Variants in CDH2 observed in about 807,000 individuals in gnomAD.
The protein encoded by CDH2 is cadherin-2.
In CDH2, 17 loss-of-function variants were observed where a neutral mutation model predicts 92.0. The ratio of observed to expected loss-of-function variants is 0.18; its 90% CI spans 0.13 to 0.28. The LOEUF (loss-of-function observed/expected upper bound fraction) is 0.28, where lower values mean the gene tolerates loss of function less well. Among genes scored for constraint, CDH2 ranks in the 10% least tolerant of loss-of-function variants. CDH2 has a pLI of 1.00. For synonymous variants in CDH2, 419 were observed against 415.9 expected (o/e 1.01, Z -0.09); for missense variants, 862 against 1,133.1 (o/e 0.76, Z 3.44).
intron 2 of CDH2, among the ~76,000 whole-genome samples, chr18:28,045,984 T>C (rs2014067025): frequency 6.6e-6 from 1 of 152,250 alleles, no homozygotes; most frequent in Non-Finnish European, 1.5e-5. Context: ...TAACTGTTCA[T>C]CTTTATGATT....
chr18:28,170,489 G>A lies in CDH2; in HGVS notation c.60+6474C>T, dbSNP rs576581930. ...GCCTTCCAAGCACCTAAGATTACGGGTGCCTACCATCATGCCCAGCTAATT... is the reference window on the plus strand; with the variant it reads ...GCCTTCCAAGCACCTAAGATTACGGATGCCTACCATCATGCCCAGCTAATT... On this transcript the variant is annotated intron_variant, in intron 1 of 15. Transcript: ENST00000269141. 3.3e-5 allele frequency among the ~76,000 whole-genome samples: 5 copies of A among 152,250 alleles called. 1 individual carries two copies. The South Asian group carries it at 1.0e-3, about 32-fold the overall frequency.
At chr18:27,955,751 CT>C (rs1192775075) in intron 15 of CDH2, among the ~76,000 whole-genome samples, 1 of 63,436 alleles carries the variant, frequency 1.6e-5, no homozygotes, top group Non-Finnish European at 3.1e-5. Context: ...TCTCTGTTTT[CT>C]TTATTTCTGT....
chr18:27,993,632 C>A lies in CDH2; in HGVS notation c.1026G>T (p.Val342=), dbSNP rs1196512805. Residue 342 remains valine (V), a synonymous_variant, in exon 8 of 16, where the codon GTG becomes GTT. Transcript: ENST00000269141. Reference sequence around the variant, plus strand: ...CTTGAATTATTAACGTATACTGTTGCACTTTCTAAAAAGACATAAAGATAA... The same window carrying A: ...CTTGAATTATTAACGTATACTGTTGAACTTTCTAAAAAGACATAAAGATAA... ...TVAAGLDREK[V]QQYTLIIQAT... The A allele has an allele frequency of 6.2e-7, 1 of 1,608,368 alleles. No individual in the cohort carries two copies. The highest frequency in any genetic ancestry group is 1.7e-5 in the Admixed American group (1 of 59,482).
chr18:28,110,305 C>A (rs17494676), intron 2 of CDH2, among the ~76,000 whole-genome samples: 1,672 of 152,316 alleles, frequency 0.011, 40 homozygotes, highest in African/African-American at 0.038. Context: ...CATGCTTTCA[C>A]TGCATAAATT....
chr18:28,075,889 TACAG>T (rs1396062535), intron 2 of CDH2, among the ~76,000 whole-genome samples: 1 of 152,158 alleles, frequency 6.6e-6, no homozygotes, highest in Non-Finnish European at 1.5e-5. Flanking sequence ...GGATGAGGAA[TACAG>T]AAAGAATGGT....
At chr18:28,119,562 A>G (rs1179915049) in intron 2 of CDH2, among the ~76,000 whole-genome samples, 1 of 152,166 alleles carries the variant, frequency 6.6e-6, no homozygotes, top group Non-Finnish European at 1.5e-5. Flanking sequence ...AATATTGAGC[A>G]ATATTGAGTG....
intron 2 of CDH2, among the ~76,000 whole-genome samples, chr18:28,032,470 T>G (rs2013722595): frequency 6.6e-6 from 1 of 152,132 alleles, no homozygotes; most frequent in South Asian, 2.1e-4. Context: ...CATTAACATG[T>G]TTTTTACATA....
intron 2 of CDH2, among the ~76,000 whole-genome samples, chr18:28,122,254 C>G (rs2015601092): frequency 6.6e-6 from 1 of 152,088 alleles, no homozygotes; most frequent in Non-Finnish European, 1.5e-5. Flanking sequence ...ATCAGTCTTT[C>G]AAGGATCTAC....
intron 2 of CDH2, among the ~76,000 whole-genome samples, chr18:28,130,848 G>A (rs1274967141): frequency 6.6e-6 from 1 of 152,220 alleles, no homozygotes; most frequent in Non-Finnish European, 1.5e-5. Flanking sequence ...ATTTCCATAG[G>A]AGGGTGAGAC....
At chr18:28,172,715 A>G (rs945055643) in intron 1 of CDH2, among the ~76,000 whole-genome samples, 7 of 152,194 alleles carry the variant, frequency 4.6e-5, no homozygotes, top group Admixed American at 2.6e-4. Flanking sequence ...ACCAAATCTA[A>G]GCAGTGCCTA....
chr18:28,163,337 C>T (rs1186431924), intron 1 of CDH2, among the ~76,000 whole-genome samples: 1 of 152,190 alleles, frequency 6.6e-6, no homozygotes, highest in African/African-American at 2.4e-5. Context: ...GCATACCTTG[C>T]AATCTAGCAA....
intron 15 of CDH2, among the ~76,000 whole-genome samples, chr18:27,957,131 A>AT (rs1413223478): frequency 1.7e-3 from 204 of 120,168 alleles, no homozygotes; most frequent in African/African-American, 6.1e-3. Flanking sequence ...ATATCCATCC[A>AT]TCCCATCCAT....
At chr18:28,103,153 T>C (rs1462698777) in intron 2 of CDH2, among the ~76,000 whole-genome samples, 1 of 121,794 alleles carries the variant, frequency 8.2e-6, no homozygotes, top group Non-Finnish European at 1.7e-5. Context: ...TATATATATA[T>C]AAACTCCTTT....
intron 2 of CDH2, among the ~76,000 whole-genome samples, chr18:28,106,241 A>G (rs1457703562): frequency 1.4e-5 from 2 of 142,882 alleles, no homozygotes; most frequent in Admixed American, 1.4e-4. Flanking sequence ...ACATGGCAAA[A>G]ACCTGTCTTT....
At chr18:27,995,762 C>T (rs974402285) in intron 7 of CDH2, among the ~76,000 whole-genome samples, 10 of 151,910 alleles carry the variant, frequency 6.6e-5, no homozygotes, top group Admixed American at 6.6e-4. Context: ...TTTTAAATTA[C>T]AAAAGGACAC....
intron 8 of CDH2, 129 bp downstream of exon 8, chr18:27,993,371 G>T: frequency 1.2e-6 from 1 of 858,180 alleles, no homozygotes; most frequent in Non-Finnish European, 1.8e-6. Context: ...AGAAATGTCC[G>T]AGTTAGCAGC....
At chr18:27,995,717 T>C (rs755710391) in intron 7 of CDH2, among the ~76,000 whole-genome samples, 47 of 152,240 alleles carry the variant, frequency 3.1e-4, no homozygotes, top group Non-Finnish European at 6.5e-4. Context: ...TAGCTAATAC[T>C]TGAAATTTCT....
chr18:28,171,919 C>T (rs2144371491), intron 1 of CDH2, among the ~76,000 whole-genome samples: 1 of 152,288 alleles, frequency 6.6e-6, no homozygotes, highest in South Asian at 2.1e-4. Flanking sequence ...TACACAAGGG[C>T]ATTCACTTAC....
intron 2 of CDH2, among the ~76,000 whole-genome samples, chr18:28,112,370 T>C (rs1439614170): frequency 6.6e-6 from 1 of 152,102 alleles, no homozygotes. Flanking sequence ...CACACCATGA[T>C]CTGAATGAGT....
Sources: allele counts gnomAD v4.1 joint callset (sites outside exome capture counted in the v4.1 genomes callset), GRCh38; gene constraint gnomAD v4.1.1; transcripts MANE v1.5; gene names NCBI Gene and HGNC (gene_info 2026-07-23, HGNC 2026-07-21).